Variants in PHEX observed in about 807,000 individuals in gnomAD.
The protein encoded by PHEX is phosphate regulating endopeptidase X-linked.
PHEX carries 16 observed loss-of-function variants against 68.0 expected under a neutral mutation model. That is an observed-to-expected ratio of 0.24 (90% CI 0.16 to 0.36). The LOEUF (loss-of-function observed/expected upper bound fraction) is 0.36, where lower values mean the gene tolerates loss of function less well. PHEX is among the 10% of genes least tolerant of loss of function. The pLI, the probability that PHEX is intolerant of heterozygous loss-of-function variation, is 1.00. For missense variants in PHEX, 480 were observed against 575.5 expected (o/e 0.83, Z 1.70); for synonymous variants, 208 against 205.1 (o/e 1.01, Z -0.12).
chrX:22,238,399 C>T (rs1159288608), intron 20 of PHEX, among the ~76,000 whole-genome samples: 1 of 111,625 alleles, frequency 9.0e-6, no homozygotes, highest in Non-Finnish European at 1.9e-5. Context: ...ACAGTGCACT[C>T]CAGCCCAGCT....
At chrX:22,046,229 G>T (rs1013693264) in intron 2 of PHEX, among the ~76,000 whole-genome samples, 1 of 111,913 alleles carries the variant, frequency 8.9e-6, no homozygotes, top group African/African-American at 3.2e-5. Flanking sequence ...CAGCTAAAGG[G>T]CTCCATTCAA....
intron 6 of PHEX, 46 bp from the exon 7 acceptor site, chrX:22,093,936 TC>T: frequency 1.3e-6 from 1 of 797,224 alleles, no homozygotes; most frequent in Non-Finnish European, 1.9e-6. Flanking sequence ...CAAACATATT[TC>T]CTAAGAAGCT....
At chrX:22,225,505 T>TAAAGA (rs1329034077) in intron 18 of PHEX, among the ~76,000 whole-genome samples, 1 of 111,697 alleles carries the variant, frequency 9.0e-6, no homozygotes, top group Non-Finnish European at 1.9e-5. Flanking sequence ...GGCCAGATAG[T>TAAAGA]AAAGAATTGA....
rs1193698964 is a variant in PHEX at position 22,045,020 on chromosome X, GT to G, written c.188-2020del. ...GCTTCTAAACCAATTTTTTGCTAGT[GT>G]TTTTTTTTTGTGTGTGTGTGTGTGT... On this transcript the variant is annotated intron_variant, in intron 2 of 21. Coordinates refer to ENST00000379374, the MANE Select transcript of PHEX (RefSeq NM_000444.6). Among the ~76,000 whole-genome samples the G allele has an allele frequency of 2.5e-3, 256 of 102,970 alleles. 1 individual carries two copies. The highest frequency in any genetic ancestry group is 3.6e-3 in the Non-Finnish European group (184 of 50,502). 89.4% of individuals were successfully genotyped at this position (102,970 alleles called of 115,157 possible).
chrX:22,043,683 C>T (rs1348163854), intron 2 of PHEX, among the ~76,000 whole-genome samples: 2 of 111,596 alleles, frequency 1.8e-5, no homozygotes, highest in African/African-American at 6.5e-5. Context: ...TACTCTCTCC[C>T]TTCATCCTTG....
intron 12 of PHEX, among the ~76,000 whole-genome samples, chrX:22,138,802 G>A (rs973429091): frequency 8.9e-6 from 1 of 112,112 alleles, no homozygotes; most frequent in African/African-American, 3.2e-5. Context: ...GTCACCCTGC[G>A]TCTGGCATCC....
intron 3 of PHEX, among the ~76,000 whole-genome samples, chrX:22,066,966 G>A (rs1191511942): frequency 1.8e-5 from 2 of 111,260 alleles, no homozygotes; most frequent in East Asian, 5.7e-4. Context: ...ATACCCGGCT[G>A]GGCGTGGTGG....
At chrX:22,136,024 C>G (rs956719592) in intron 12 of PHEX, among the ~76,000 whole-genome samples, 1 of 98,377 alleles carries the variant, frequency 1.0e-5, no homozygotes, top group African/African-American at 3.9e-5. Flanking sequence ...TTCCTGGACC[C>G]CAGAAGATGT....
At chrX:22,237,866 A>G (rs951130435) in intron 20 of PHEX, among the ~76,000 whole-genome samples, 2 of 112,786 alleles carry the variant, frequency 1.8e-5, no homozygotes, top group Non-Finnish European at 3.7e-5. Context: ...ACCTCAAGTC[A>G]TATGGCAAGT....
intron 12 of PHEX, among the ~76,000 whole-genome samples, chrX:22,147,060 G>A (rs1170485780): frequency 1.8e-5 from 2 of 110,830 alleles, no homozygotes; most frequent in South Asian, 3.8e-4. Flanking sequence ...CCAAAGCGGA[G>A]AGAGATGCCT....
chrX:22,047,618 T>A (rs963066861), intron 3 of PHEX, among the ~76,000 whole-genome samples: 1 of 112,114 alleles, frequency 8.9e-6, no homozygotes, highest in Non-Finnish European at 1.9e-5. Context: ...TCTTTTGACA[T>A]CACTTTTGAG....
chrX:22,223,707 G>C (rs1180529430), intron 18 of PHEX, among the ~76,000 whole-genome samples: 7 of 112,825 alleles, frequency 6.2e-5, no homozygotes. Context: ...CTGCACTCCA[G>C]TGTGGGTGAA....
chrX:22,179,540 T>C (rs866267768), intron 14 of PHEX, among the ~76,000 whole-genome samples: 1 of 109,103 alleles, frequency 9.2e-6, no homozygotes, highest in African/African-American at 3.4e-5. Context: ...CTTTGTGTCC[T>C]CATAGCTTAG....
chrX:22,059,675 C>G (rs1208459095), intron 3 of PHEX, among the ~76,000 whole-genome samples: 1 of 111,870 alleles, frequency 8.9e-6, no homozygotes, highest in Non-Finnish European at 1.9e-5. Flanking sequence ...GAGCAAGATT[C>G]AAGAAGGCAG....
intron 11 of PHEX, among the ~76,000 whole-genome samples, chrX:22,117,334 G>T (rs1001577886): frequency 4.5e-5 from 5 of 111,637 alleles, no homozygotes; most frequent in African/African-American, 1.3e-4. Context: ...AGTTTGGTCT[G>T]GGAACAAATT....
At chrX:22,212,778 G>C in intron 15 of PHEX, 126 bp from the exon 16 acceptor site, 1 of 564,456 alleles carries the variant, frequency 1.8e-6, no homozygotes, top group Non-Finnish European at 3.2e-6. Flanking sequence ...ATCTCTTAGA[G>C]GGCTCCCAGT....
intron 3 of PHEX, among the ~76,000 whole-genome samples, chrX:22,055,174 CAAAAAAAAAAAAAAA>C (rs111628195): frequency 2.3e-4 from 15 of 66,087 alleles, no homozygotes; most frequent in Non-Finnish European, 3.9e-4. Flanking sequence ...GACTCCAGCT[CAAAAAAAAAAAAAAA>C]AAAAAAAAAA....
chrX:22,243,157 C>T (rs929805320), intron 20 of PHEX, among the ~76,000 whole-genome samples: 1 of 111,687 alleles, frequency 9.0e-6, no homozygotes, highest in Admixed American at 9.5e-5. Context: ...CTTTGACAAA[C>T]CTGACAAAAA....
intron 3 of PHEX, among the ~76,000 whole-genome samples, chrX:22,075,489 G>A (rs1929113454): frequency 9.0e-6 from 1 of 110,855 alleles, no homozygotes; most frequent in Middle Eastern, 4.2e-3. Flanking sequence ...AAGGCAGTTT[G>A]ACATAGTTCG....
Sources: allele counts gnomAD v4.1 joint callset (sites outside exome capture counted in the v4.1 genomes callset), GRCh38; gene constraint gnomAD v4.1.1; transcripts MANE v1.5; gene names NCBI Gene and HGNC (gene_info 2026-07-23, HGNC 2026-07-21).